The following NFIX variants were observed in gnomAD, a reference collection of about 807,000 sequenced individuals.
NFIX encodes the protein nuclear factor 1 X-type.
A neutral mutation model predicts 53.3 loss-of-function variants in NFIX; 2 were observed. The ratio of observed to expected loss-of-function variants is 0.04; its 90% CI spans 0.02 to 0.12. NFIX has a LOEUF of 0.12. NFIX is among the 10% of genes least tolerant of loss of function. The pLI is 1.00. For missense variants in NFIX, 310 were observed against 674.5 expected (o/e 0.46, Z 5.99); for synonymous variants, 244 against 289.0 (o/e 0.84, Z 1.58).
rs1267124244 is a variant in NFIX, at chr19:13,094,909, G to A, written c.*260G>A. On this transcript the variant is annotated 3_prime_UTR_variant, in exon 11 of 11. Coordinates refer to ENST00000592199, the MANE Select transcript of NFIX (RefSeq NM_001365902.3). The surrounding 1 kb of genome is among the most constrained non-coding windows in gnomAD (Gnocchi z 4.3). ...AGCAGCCAAGCAGAAAGAAACACGC[G>A]ACATGGACTCTGTCAAGTAGAGGAC... 5.8e-6 allele frequency: 3 copies of A among 517,530 alleles called. No homozygotes were observed. The highest frequency in any genetic ancestry group is 2.4e-5 in the South Asian group (1 of 41,244). 32.1% of individuals were successfully genotyped at this position (517,530 alleles called of 1,614,324 possible). A position where few individuals can be genotyped will look rare whatever the true frequency, so the allele number is the denominator to read the frequency against.
intron 7 of NFIX, among the ~76,000 whole-genome samples, chr19:13,080,817 G>A (rs972802654): frequency 7.9e-5 from 12 of 151,138 alleles, no homozygotes; most frequent in African/African-American, 2.2e-4. Flanking sequence ...TGGCTAACAC[G>A]GTGAAACCCT....
rs146001572 is a variant in NFIX, at chr19:13,020,702, C to T, written c.28-4319C>T. ...GGGTGCTTGGGGCTCTTTGTAGGTC[C>T]CTGAGGCTCTATTGAGACACTCTTC... On this transcript the variant is annotated intron_variant, in intron 1 of 10. Coordinates refer to ENST00000592199, the MANE Select transcript of NFIX (RefSeq NM_001365902.3). Among the ~76,000 whole-genome samples, 1,060 of 152,214 alleles carry T rather than the reference C, an allele frequency of 7.0e-3. 7 individuals are homozygous for T. The highest frequency in any genetic ancestry group is 0.024 in the Middle Eastern group (7 of 294).
chr19:13,002,790 C>T lies in NFIX; in HGVS notation c.27+6926C>T, dbSNP rs529317480. On this transcript the variant is annotated intron_variant, in intron 1 of 10. Transcript: ENST00000592199. This position sits in a 1 kb window ranked among gnomAD's most constrained non-coding sequence, Gnocchi z 6.1. Reference sequence around the variant, plus strand: ...ACTGGGGAGCTCTCCCCCCACTGGGCCCCACCCTGAGGGGAGCCGGGGGTG... The same window carrying T: ...ACTGGGGAGCTCTCCCCCCACTGGGTCCCACCCTGAGGGGAGCCGGGGGTG... 8.8e-4 allele frequency among the ~76,000 whole-genome samples: 134 copies of T among 152,300 alleles called. No individual in the cohort carries two copies. The highest frequency in any genetic ancestry group is 1.6e-3 in the Non-Finnish European group (112 of 67,998).
intron 2 of NFIX, among the ~76,000 whole-genome samples, chr19:13,030,458 C>CT (rs1421500438): frequency 2.6e-5 from 4 of 152,002 alleles, no homozygotes; most frequent in African/African-American, 7.3e-5. Context: ...ACTTGTTGGT[C>CT]TTTTTTTTCT....
Position 13,060,626 on chromosome 19 carries a change from G to A in NFIX, c.560-12421G>A, listed in dbSNP as rs748662827. Among the ~76,000 whole-genome samples the A allele has an allele frequency of 9.2e-5, 14 of 152,206 alleles. No homozygotes were observed. The highest frequency in any genetic ancestry group is 1.6e-4 in the Non-Finnish European group (11 of 67,978). ...TGTGACCCTTGGTGCCTGGCAAGGC[G>A]GGGGGGTAGGGAGCAGCCCTCGCAC... is the stretch of plus-strand genomic sequence containing the variant. On this transcript the variant is annotated intron_variant, in intron 2 of 10. Coordinates refer to ENST00000592199, the MANE Select transcript of NFIX (RefSeq NM_001365902.3). The surrounding 1 kb of genome is among the most constrained non-coding windows in gnomAD (Gnocchi z 4.3).
intron 1 of NFIX, among the ~76,000 whole-genome samples, chr19:13,007,370 G>C (rs2012081429): frequency 6.6e-6 from 1 of 152,180 alleles, no homozygotes; most frequent in Admixed American, 6.5e-5. Context: ...AAGCCAGCTC[G>C]CTCCATCCAC....
chr19:13,084,798 G>A (rs1359912469), intron 8 of NFIX, among the ~76,000 whole-genome samples: 2 of 152,070 alleles, frequency 1.3e-5, no homozygotes, highest in East Asian at 1.9e-4. Context: ...GGTCGGGCGC[G>A]GTGGCTTATA....
chr19:13,031,564 T>C (rs2013807732), intron 2 of NFIX, among the ~76,000 whole-genome samples: 1 of 152,224 alleles, frequency 6.6e-6, no homozygotes. Flanking sequence ...TAGGGGTTCC[T>C]AGATCTCTAA....
chr19:13,041,888 T>C (rs1027639358), intron 2 of NFIX, among the ~76,000 whole-genome samples: 1 of 151,884 alleles, frequency 6.6e-6, no homozygotes, highest in African/African-American at 2.4e-5. Flanking sequence ...TTTCTTTTTC[T>C]TGTTTGTTTG....
intron 7 of NFIX, among the ~76,000 whole-genome samples, chr19:13,080,962 T>C (rs898360383): frequency 6.0e-5 from 9 of 150,610 alleles, no homozygotes. Flanking sequence ...ATCGCACCAC[T>C]GCACTCCAGC....
chr19:13,093,947 T>TG lies in NFIX; in HGVS notation c.1495-685dup, dbSNP rs781169400. 3.1e-4 allele frequency among the ~76,000 whole-genome samples: 47 copies of TG among 152,124 alleles called. No individual in the cohort carries two copies. Among genetic ancestry groups the TG allele is most frequent in the East Asian group, 9.7e-4 (5 of 5,166 alleles). Reference sequence around the variant, plus strand: ...GGCAGACAAGACAAGGCCCTGTCTGTGGGAAGGCAGCGCCCCCTGCTGGCG... The same window carrying TG: ...GGCAGACAAGACAAGGCCCTGTCTGTGGGGAAGGCAGCGCCCCCTGCTGGCG... On this transcript the variant is annotated intron_variant, in intron 10 of 10. Coordinates refer to ENST00000592199, the MANE Select transcript of NFIX (RefSeq NM_001365902.3). This position sits in a 1 kb window ranked among gnomAD's most constrained non-coding sequence, Gnocchi z 4.7.
intron 1 of NFIX, among the ~76,000 whole-genome samples, chr19:12,999,433 A>G (rs2011593059): frequency 6.6e-6 from 1 of 151,726 alleles, no homozygotes. Flanking sequence ...CGGCCTCCCA[A>G]AGTGCTGGGA....
chr19:12,997,902 G>A (rs533269574), intron 1 of NFIX, among the ~76,000 whole-genome samples: 4 of 152,362 alleles, frequency 2.6e-5, no homozygotes, highest in African/African-American at 9.6e-5. Flanking sequence ...CAGTTCCAGT[G>A]TGCCAGGATG....
chr19:13,021,744 C>T lies in NFIX; in HGVS notation c.28-3277C>T, dbSNP rs906541685. 1.8e-4 allele frequency among the ~76,000 whole-genome samples: 28 copies of T among 152,066 alleles called. No homozygotes were observed. Among genetic ancestry groups the T allele is most frequent in the African/African-American group, 6.7e-4 (28 of 41,482 alleles). On this transcript the variant is annotated intron_variant, in intron 1 of 10. Coordinates refer to ENST00000592199, the MANE Select transcript of NFIX (RefSeq NM_001365902.3). The surrounding 1 kb of genome is among the most constrained non-coding windows in gnomAD (Gnocchi z 4.2). ...TGCTCCATAGCTCTAACTGGAGAGACCCCCTCAGAAGTGGGACTCCCCTAC... is the reference window on the plus strand; with the variant it reads ...TGCTCCATAGCTCTAACTGGAGAGATCCCCTCAGAAGTGGGACTCCCCTAC...
In NFIX at chr19:13,067,643, C is replaced by T. The variant is rs915727618; in HGVS notation, c.560-5404C>T. Among the ~76,000 whole-genome samples, 5 of 152,070 alleles carry T rather than the reference C, an allele frequency of 3.3e-5. No individual in the cohort carries two copies. The highest frequency in any genetic ancestry group is 7.2e-5 in the African/African-American group (3 of 41,394). On this transcript the variant is annotated intron_variant, in intron 2 of 10. Coordinates refer to ENST00000592199, the MANE Select transcript of NFIX (RefSeq NM_001365902.3). This position sits in a 1 kb window ranked among gnomAD's most constrained non-coding sequence, Gnocchi z 4.2. ...CCATAAAACTTGTTAGGCCAAAGTC[C>T]GTGGGGGCAATTGGCCAGCAAATTA...
At chr19:13,074,125 G>T in intron 5 of NFIX, 99 bp downstream of exon 5, 1 of 1,468,686 alleles carries the variant, frequency 6.8e-7, no homozygotes, top group South Asian at 1.2e-5. Context: ...AGGCTAGGGT[G>T]CTTCAGAATG....
In NFIX at chr19:12,998,903, G is replaced by A. The variant is rs1269262309; in HGVS notation, c.27+3039G>A. 1.3e-5 allele frequency among the ~76,000 whole-genome samples: 2 copies of A among 152,186 alleles called. No homozygotes were observed. Among genetic ancestry groups the A allele is most frequent in the African/African-American group, 4.8e-5 (2 of 41,438 alleles). ...TGGACACAGGAAACTGTGGACTTGT[G>A]TTCACAACCACCCCCAGCGCACACA... is the stretch of plus-strand genomic sequence containing the variant. On this transcript the variant is annotated intron_variant, in intron 1 of 10. Coordinates refer to ENST00000592199, the MANE Select transcript of NFIX (RefSeq NM_001365902.3). This position sits in a 1 kb window ranked among gnomAD's most constrained non-coding sequence, Gnocchi z 4.4.
Position 13,051,354 on chromosome 19 carries a change from AC to A in NFIX, c.560-21692del, listed in dbSNP as rs1205026288. Among the ~76,000 whole-genome samples, 1 of 152,132 alleles carries A rather than the reference AC, an allele frequency of 6.6e-6. No individual in the cohort carries two copies. The highest frequency in any genetic ancestry group is 1.5e-5 in the Non-Finnish European group (1 of 68,006). On this transcript the variant is annotated intron_variant, in intron 2 of 10. Coordinates refer to ENST00000592199, the MANE Select transcript of NFIX (RefSeq NM_001365902.3). This position sits in a 1 kb window ranked among gnomAD's most constrained non-coding sequence, Gnocchi z 5.1. ...AGGAGGAAGAGGGGTGTGTCTGGCC[AC>A]TACCCAGAGCTCACTCAGGGTACTA... is the stretch of plus-strand genomic sequence containing the variant.
chr19:13,041,018 C>T (rs1217504117), intron 2 of NFIX, among the ~76,000 whole-genome samples: 1 of 152,198 alleles, frequency 6.6e-6, no homozygotes, highest in East Asian at 1.9e-4. Context: ...CTCTGAAGTC[C>T]TCCTTGTTCA....
Sources: gnomAD v4.1 joint callset for allele counts (sites outside exome capture counted in the v4.1 genomes callset) on GRCh38, gnomAD v4.1.1 for gene constraint, Gnocchi (gnomAD v3.1) non-coding constraint, MANE v1.5 for transcripts, NCBI Gene and HGNC (gene_info 2026-07-23, HGNC 2026-07-21) for gene names.